TLL2: variants seen among roughly 807,000 people sequenced by gnomAD.
The protein encoded by TLL2 is tolloid like 2.
In TLL2, 106 loss-of-function variants were observed where a neutral mutation model predicts 123.0. The observed-to-expected ratio is 0.86, with a 90% confidence interval of 0.74 to 1.01. The LOEUF (loss-of-function observed/expected upper bound fraction) is 1.01, where lower values mean the gene tolerates loss of function less well. Ranked by LOEUF, TLL2 falls within the 50% of genes least tolerant of loss-of-function variation. The pLI is 0.00. For missense variants in TLL2, 1,332 were observed against 1,336.7 expected (o/e 1.00, Z 0.06); for synonymous variants, 494 against 516.8 (o/e 0.96, Z 0.60).
At position 96,421,068 on chromosome 10, in the gene TLL2, C is replaced by CCTGTG. The variant is rs774219243; in HGVS notation, c.818-8_818-7insCACAG. ...AAGAAATTATACTCCTGACCTGTGA[C>CCTGTG]ACAACACTGTGTTAAGCCCTTTGAA... On this transcript the variant is annotated splice_polypyrimidine_tract_variant and splice_region_variant and intron_variant, in intron 6 of 20. Coordinates refer to ENST00000357947, the MANE Select transcript of TLL2 (RefSeq NM_012465.4). 1 of 1,611,182 alleles carries CCTGTG rather than the reference C, an allele frequency of 6.2e-7. No homozygotes were observed. Among genetic ancestry groups the CCTGTG allele is most frequent in the Non-Finnish European group, 8.5e-7 (1 of 1,177,498 alleles).
intron 2 of TLL2, among the ~76,000 whole-genome samples, chr10:96,476,242 T>TC (rs1554939637): frequency 0.011 from 138 of 12,366 alleles, 5 homozygotes; most frequent in South Asian, 0.099. Context: ...ATATATATAT[T>TC]TTATTTTTGT....
intron 1 of TLL2, among the ~76,000 whole-genome samples, chr10:96,498,703 T>C (rs183908413): frequency 6.6e-6 from 1 of 152,340 alleles, no homozygotes; most frequent in East Asian, 1.9e-4. Flanking sequence ...CCCAAGAAGC[T>C]GGTTCTCACA....
intron 16 of TLL2, among the ~76,000 whole-genome samples, chr10:96,383,075 A>C (rs2134056304): frequency 7.1e-6 from 1 of 141,682 alleles, no homozygotes; most frequent in Non-Finnish European, 1.5e-5. Context: ...GTGTGGGGGA[A>C]CAGTGGGGGG....
intron 13 of TLL2, among the ~76,000 whole-genome samples, chr10:96,391,999 G>A (rs1286626166): frequency 1.3e-5 from 2 of 152,162 alleles, no homozygotes; most frequent in African/African-American, 4.8e-5. Flanking sequence ...CCTCCACCAA[G>A]GTCCACACCC....
At chr10:96,442,363 A>G (rs752710476) in intron 3 of TLL2, among the ~76,000 whole-genome samples, 14 of 152,178 alleles carry the variant, frequency 9.2e-5, no homozygotes, top group Non-Finnish European at 1.6e-4. Flanking sequence ...AGGGAACCTG[A>G]GATTGACACA....
chr10:96,378,944 A>G (rs977473416), intron 17 of TLL2, 23 bp downstream of exon 17: 2 of 1,612,210 alleles, frequency 1.2e-6, no homozygotes, highest in Admixed American at 3.3e-5. Flanking sequence ...CCGCCCCCCC[A>G]ACAACTGGAG....
chr10:96,511,182 A>G (rs967102256), intron 1 of TLL2, among the ~76,000 whole-genome samples: 29 of 152,218 alleles, frequency 1.9e-4, no homozygotes, highest in African/African-American at 2.4e-5. Flanking sequence ...TCACTGAGAT[A>G]GAATGGGAGG....
chr10:96,398,199 A>C (rs1212518696), intron 10 of TLL2, among the ~76,000 whole-genome samples: 1 of 152,196 alleles, frequency 6.6e-6, no homozygotes, highest in Non-Finnish European at 1.5e-5. Context: ...AGCTGAGAGG[A>C]TTAGGGGAGC....
chr10:96,431,001 G>A (rs188163321), intron 4 of TLL2, among the ~76,000 whole-genome samples: 5 of 152,086 alleles, frequency 3.3e-5, no homozygotes, highest in African/African-American at 4.8e-5. Context: ...TAGCTCAATC[G>A]CTCACCAAAA....
intron 1 of TLL2, among the ~76,000 whole-genome samples, chr10:96,497,005 G>A (rs994734083): frequency 3.9e-4 from 60 of 152,156 alleles, no homozygotes; most frequent in Admixed American, 3.9e-4. Flanking sequence ...AAATGGCCGG[G>A]TGCAGTGGCT....
intron 7 of TLL2, among the ~76,000 whole-genome samples, chr10:96,414,750 C>T (rs1237211874): frequency 6.6e-6 from 1 of 152,100 alleles, no homozygotes; most frequent in Non-Finnish European, 1.5e-5. Flanking sequence ...ATCACAATTC[C>T]ATCCTTCTCC....
At position 96,446,092 on chromosome 10, in the gene TLL2, C is replaced by T; in HGVS notation, c.363G>A (p.Lys121=). The T allele has an allele frequency of 6.2e-7, 1 of 1,614,182 alleles. No individual in the cohort carries two copies. The highest frequency in any genetic ancestry group is 1.1e-5 in the South Asian group (1 of 91,074). Residue 121 remains lysine, a splice_region_variant and synonymous_variant, in exon 3 of 21, where the codon AAG becomes AAA. Coordinates refer to ENST00000357947, the MANE Select transcript of TLL2 (RefSeq NM_012465.4). ...AMDTGTKEAG[K]DGRENTTLLH... ...AGACCTGGTGAGGGCTCACATTACC[C>T]TTTCCAGCTTCCTTGGTGCCAGTGT...
At chr10:96,438,706 C>T (rs972633404) in intron 3 of TLL2, among the ~76,000 whole-genome samples, 4 of 152,178 alleles carry the variant, frequency 2.6e-5, no homozygotes, top group Admixed American at 1.3e-4. Context: ...AATGACAGTA[C>T]GAAAGCAGAC....
chr10:96,376,780 A>C lies in TLL2; in HGVS notation c.2360T>G (p.Leu787Arg), dbSNP rs1415303968. The C allele has an allele frequency of 1.9e-6, 3 of 1,593,274 alleles. No homozygotes were observed. Among genetic ancestry groups the C allele is most frequent in the East Asian group, 4.6e-5 (2 of 43,486 alleles). ...TTTGTCAGGCCAGTTGGGGCTCGCC[A>C]GGGTCCCCTCCACACTGCTGATCTT... ...AHKISSVEGTLASPNWPDKYP... is the reference protein window; with the variant it reads ...AHKISSVEGTRASPNWPDKYP... The change falls in exon 18 of 21, where the codon CTG becomes CGG. Residue 787 changes from leucine (L) to arginine (R), a missense_variant. By Grantham distance (102) the Leu-to-Arg change is moderately radical. Transcript: ENST00000357947.
chr10:96,494,588 T>C (rs1443224548), intron 1 of TLL2, among the ~76,000 whole-genome samples: 2 of 152,220 alleles, frequency 1.3e-5, no homozygotes, highest in African/African-American at 4.8e-5. Context: ...CACTAAGGCA[T>C]GGTTTATTGT....
chr10:96,422,743 A>T lies in TLL2; in HGVS notation c.639-16T>A, dbSNP rs779878263. ...GGAGCAACAGCTGGACAATTGCAGG[A>T]ATACCCAGGTCAGCAGGTCAGAAGA... On this transcript the variant is annotated splice_polypyrimidine_tract_variant and intron_variant, in intron 5 of 20. Coordinates refer to ENST00000357947, the MANE Select transcript of TLL2 (RefSeq NM_012465.4). 1.3e-5 allele frequency: 21 copies of T among 1,613,860 alleles called. No homozygotes were observed. The highest frequency in any genetic ancestry group is 1.6e-5 in the Non-Finnish European group (19 of 1,179,986).
chr10:96,390,215 G>A (rs1846273836), intron 13 of TLL2, among the ~76,000 whole-genome samples: 1 of 152,244 alleles, frequency 6.6e-6, no homozygotes, highest in South Asian at 2.1e-4. Flanking sequence ...CCCAAAAATT[G>A]TTCAGAGAAA....
At chr10:96,390,833 G>A (rs973652075) in intron 13 of TLL2, among the ~76,000 whole-genome samples, 10 of 152,232 alleles carry the variant, frequency 6.6e-5, no homozygotes, top group African/African-American at 2.4e-4. Flanking sequence ...CACCTGAAAC[G>A]CAGTTGGTCC....
intron 1 of TLL2, among the ~76,000 whole-genome samples, chr10:96,493,100 G>A (rs1886279): frequency 0.3 from 45,358 of 152,046 alleles, 7,314 homozygotes; most frequent in Middle Eastern, 0.44. Flanking sequence ...CACCCACACC[G>A]TGCAGGCTCC....
Sources: allele counts gnomAD v4.1 joint callset (sites outside exome capture counted in the v4.1 genomes callset), GRCh38; gene constraint gnomAD v4.1.1; transcripts MANE v1.5; gene names NCBI Gene and HGNC (gene_info 2026-07-23, HGNC 2026-07-21).